NEK5: variants seen among roughly 807,000 people sequenced by gnomAD.
The protein encoded by NEK5 is NIMA related kinase 5, also known as serine/threonine-protein kinase Nek5.
In NEK5, 88 loss-of-function variants were observed where a neutral mutation model predicts 109.2. That is an observed-to-expected ratio of 0.81 (90% confidence interval 0.68 to 0.96). The LOEUF is 0.96. Among genes scored for constraint, NEK5 ranks in the 40% least tolerant of loss-of-function variants. The pLI is 0.00. For synonymous variants in NEK5, 283 were observed against 299.9 expected, an observed-to-expected ratio of 0.94 and a Z score of 0.58; for missense variants, 834 against 920.7, an observed-to-expected ratio of 0.91 and a Z score of 1.22.
At chr13:52,084,792 T>A (rs1955104102) in intron 16 of NEK5, among the ~76,000 whole-genome samples, 1 of 147,926 alleles carries the variant, frequency 6.8e-6, no homozygotes, top group South Asian at 2.2e-4. Context: ...TGTGTGTGTG[T>A]GTGTGTGTGT....
chr13:52,107,529 T>G (rs1290552248), intron 8 of NEK5, among the ~76,000 whole-genome samples: 1 of 151,314 alleles, frequency 6.6e-6, no homozygotes, highest in Non-Finnish European at 1.5e-5. Context: ...GAGGTGGAGG[T>G]TGCAGTGAGC....
rs1205939117 is a variant in NEK5, at chr13:52,033,957, T to TGCTA, written c.*2987_*2990dup. The TGCTA allele has an allele frequency of 1.3e-5, 2 of 152,306 alleles. No individual in the cohort carries two copies. Among genetic ancestry groups the TGCTA allele is most frequent in the African/African-American group, 4.8e-5 (2 of 41,476 alleles). 9.4% of individuals were successfully genotyped at this position (152,306 alleles called of 1,614,324 possible). A position where few individuals can be genotyped will look rare whatever the true frequency, so the allele number is the denominator to read the frequency against. On this transcript the variant is annotated 3_prime_UTR_variant, in exon 24 of 24. Coordinates refer to ENST00000684899, the MANE Select transcript of NEK5 (RefSeq NM_001365552.1). ...TTTACCCCCCTCCCCGCTGCTCCTC[T>TGCTA]GCTAACTCATTTTCCTCTTTTCCCA... is the stretch of plus-strand genomic sequence containing the variant.
chr13:52,098,208 A>G (rs1955458165), intron 12 of NEK5, among the ~76,000 whole-genome samples: 1 of 152,068 alleles, frequency 6.6e-6, no homozygotes, highest in Non-Finnish European at 1.5e-5. Flanking sequence ...GGCTGCAGTG[A>G]GCTGAGACAT....
chr13:52,076,014 C>T, intron 18 of NEK5, 49 bp downstream of exon 18: 2 of 1,203,746 alleles, frequency 1.7e-6, no homozygotes, highest in Middle Eastern at 1.9e-4. Context: ...CAAGGTGGCT[C>T]CCCAGCCAGC....
At chr13:52,056,112 G>A (rs1360948346) in intron 22 of NEK5, among the ~76,000 whole-genome samples, 2 of 152,062 alleles carry the variant, frequency 1.3e-5, no homozygotes, top group African/African-American at 4.8e-5. Context: ...GATCTACCAA[G>A]CAAATGGAAA....
At chr13:52,060,327 T>G (rs1169731852) in intron 22 of NEK5, among the ~76,000 whole-genome samples, 1 of 152,196 alleles carries the variant, frequency 6.6e-6, no homozygotes, top group African/African-American at 2.4e-5. Flanking sequence ...ATTACTATGT[T>G]TTTGTAGTGG....
In NEK5 at chr13:52,112,259, A is replaced by T; in HGVS notation, c.312+9T>A. 1 of 1,538,608 alleles carries T rather than the reference A, an allele frequency of 6.5e-7. No individual in the cohort carries two copies. Among genetic ancestry groups the T allele is most frequent in the Non-Finnish European group, 9.0e-7 (1 of 1,114,462 alleles). On this transcript the variant is annotated intron_variant, in intron 5 of 23. Transcript: ENST00000684899. ...ACATAAAATTAAAAAGCAAATTAGA[A>T]GTTTTTACCTGATCTTCACTAAATA...
chr13:52,087,795 T>C (rs1955183299), intron 14 of NEK5, among the ~76,000 whole-genome samples: 2 of 151,648 alleles, frequency 1.3e-5, no homozygotes, highest in Non-Finnish European at 2.9e-5. Flanking sequence ...CCGGCTAATT[T>C]TTTGTATTTT....
intron 3 of NEK5, among the ~76,000 whole-genome samples, chr13:52,123,347 G>A (rs1956005729): frequency 6.6e-6 from 1 of 152,138 alleles, no homozygotes; most frequent in African/African-American, 2.4e-5. Context: ...GTAAAGTGAT[G>A]AAAAATTGGT....
rs9526824 is a variant in NEK5, at chr13:52,034,564, A to G, written c.*2384T>C. The G allele has an allele frequency of 0.48, 66,807 of 139,176 alleles. 17,026 individuals are homozygous for G. The highest frequency in any genetic ancestry group is 0.61 in the Middle Eastern group (161 of 262). 8.6% of individuals were successfully genotyped at this position (139,176 alleles called of 1,614,324 possible). A position where few individuals can be genotyped will look rare whatever the true frequency, so the allele number is the denominator to read the frequency against. On this transcript the variant is annotated 3_prime_UTR_variant, in exon 24 of 24. Transcript: ENST00000684899. ...TTTCTTACTCTGTCACTCAAGGTGG[A>G]GTGCAGTGATGTGATCACGGATTAT...
intron 7 of NEK5, among the ~76,000 whole-genome samples, chr13:52,109,912 G>T (rs1206369805): frequency 6.6e-6 from 1 of 152,166 alleles, no homozygotes; most frequent in African/African-American, 2.4e-5. Flanking sequence ...CCAGGTTGTA[G>T]ACCGGCCACC....
intron 4 of NEK5, among the ~76,000 whole-genome samples, chr13:52,114,099 AC>A (rs1157979117): frequency 1.3e-5 from 2 of 152,176 alleles, no homozygotes; most frequent in Non-Finnish European, 2.9e-5. Flanking sequence ...TAGCCAACCA[AC>A]TAACAGCTGG....
chr13:52,125,348 A>G (rs1297500695), intron 3 of NEK5, among the ~76,000 whole-genome samples: 1 of 152,180 alleles, frequency 6.6e-6, no homozygotes, highest in Non-Finnish European at 1.5e-5. Context: ...TGGATCACGA[A>G]GTCAGGAGAT....
intron 17 of NEK5, among the ~76,000 whole-genome samples, chr13:52,082,583 A>C (rs1955036906): frequency 6.6e-6 from 1 of 152,080 alleles, no homozygotes; most frequent in Admixed American, 6.5e-5. Context: ...AGGGAAAAAA[A>C]CTCTCTTGAG....
At chr13:52,105,361 G>C (rs1955630725) in intron 8 of NEK5, among the ~76,000 whole-genome samples, 1 of 151,818 alleles carries the variant, frequency 6.6e-6, no homozygotes, top group African/African-American at 2.4e-5. Flanking sequence ...AGATTGGTGG[G>C]AAACAAATTT....
Position 52,127,369 on chromosome 13 carries a change from T to C in NEK5, c.114A>G (p.Glu38=), listed in dbSNP as rs1379189157. The part of the protein sequence containing the change: ...KHCVIKEINF[E]KMPIQEKEAS... ...AGAAATTTGAACTTAACTTTACCTT[T>C]TCAAAATTGATCTCTTTTATGACAC... is the stretch of plus-strand genomic sequence containing the variant. Residue 38 remains glutamate, a synonymous_variant, in exon 3 of 24, where the codon GAA becomes GAG. Transcript: ENST00000684899. 5 of 1,542,806 alleles carry C rather than the reference T, an allele frequency of 3.2e-6. No homozygotes were observed. The East Asian group carries it at 9.0e-5, about 28-fold the overall frequency.
At chr13:52,112,398 G>T in intron 4 of NEK5, 33 bp from the exon 5 acceptor site, 1 of 1,368,694 alleles carries the variant, frequency 7.3e-7, no homozygotes, top group Non-Finnish European at 1.0e-6. Context: ...GTGCTGGAAG[G>T]ATTTCAGATA....
chr13:52,100,111 C>T (rs967668700), intron 11 of NEK5, among the ~76,000 whole-genome samples: 4 of 152,028 alleles, frequency 2.6e-5, no homozygotes, highest in Non-Finnish European at 5.9e-5. Context: ...TATATAACAT[C>T]ACTTTTTTTC....
Position 52,099,765 on chromosome 13 carries a change from G to C in NEK5, c.1004C>G (p.Ala335Gly). The C allele has an allele frequency of 6.2e-7, 1 of 1,613,830 alleles. No individual in the cohort carries two copies. Among genetic ancestry groups the C allele is most frequent in the Non-Finnish European group, 8.5e-7 (1 of 1,179,794 alleles). The change falls in exon 12 of 24, where the codon GCT (alanine) becomes GGT (glycine). Residue 335 changes from alanine (A) to glycine (G), a missense_variant. Coordinates refer to ENST00000684899, the MANE Select transcript of NEK5 (RefSeq NM_001365552.1). Reference sequence around the variant, plus strand: ...TACAGATCTGGCCTTCTGGGCTCCAGCTGGTGGTCTCCATTCATTTCTATG... The same window carrying C: ...TACAGATCTGGCCTTCTGGGCTCCACCTGGTGGTCTCCATTCATTTCTATG... Reference protein sequence around the residue: ...ILHRNEWRPPAGAQKARSIKM... With the variant: ...ILHRNEWRPPGGAQKARSIKM...
Sources: allele counts gnomAD v4.1 joint callset (sites outside exome capture counted in the v4.1 genomes callset), GRCh38; gene constraint gnomAD v4.1.1; transcripts MANE v1.5; gene names NCBI Gene and HGNC (gene_info 2026-07-23, HGNC 2026-07-21).